The following TCERG1L variants were observed in gnomAD, a reference collection of about 807,000 sequenced individuals.
TCERG1L encodes transcription elongation regulator 1-like protein.
TCERG1L carries 37 observed loss-of-function variants against 56.3 expected under a neutral mutation model. That is an observed-to-expected ratio of 0.66 (90% CI 0.51 to 0.87). The LOEUF (loss-of-function observed/expected upper bound fraction) is 0.87, where lower values mean the gene tolerates loss of function less well. Among genes scored for constraint, TCERG1L ranks in the 40% least tolerant of loss-of-function variants. The probability of loss-of-function intolerance (pLI) is 0.00; values close to 1 mark genes in which losing one functional copy is unlikely to be tolerated. For synonymous variants in TCERG1L, 324 were observed against 326.3 expected (o/e 0.99, Z 0.08); for missense variants, 799 against 774.2 (o/e 1.03, Z -0.38).
At position 131,093,099 on chromosome 10, in the gene TCERG1L, T is replaced by C. The variant is rs949269530; in HGVS notation, c.*63A>G. The C allele has an allele frequency of 7.6e-6, 12 of 1,570,556 alleles. No homozygotes were observed. Among genetic ancestry groups the C allele is most frequent in the Non-Finnish European group, 1.0e-5 (12 of 1,157,940 alleles). Reference sequence around the variant, plus strand: ...CCCACGCCCGTGTCCGTCTCCACCGTGACCCCCTCGCCCCCGGCACGCCCA... The same window carrying C: ...CCCACGCCCGTGTCCGTCTCCACCGCGACCCCCTCGCCCCCGGCACGCCCA... On this transcript the variant is annotated 3_prime_UTR_variant, in exon 12 of 12. Transcript: ENST00000368642.
chr10:131,267,469 T>G lies in TCERG1L; in HGVS notation c.671-7025A>C, dbSNP rs896833749. ...CCTCGGCAGCTCCCACACTGCCAAC[T>G]TGAGGGGGGTCATGGCTCCTGCCTG... On this transcript the variant is annotated intron_variant, in intron 3 of 11. Transcript: ENST00000368642. The surrounding 1 kb of genome is among the most constrained non-coding windows in gnomAD (Gnocchi z 4.9). 6.6e-6 allele frequency among the ~76,000 whole-genome samples: 1 copy of G among 152,192 alleles called. No individual in the cohort carries two copies. Among genetic ancestry groups the G allele is most frequent in the Non-Finnish European group, 1.5e-5 (1 of 68,040 alleles).
chr10:131,140,288 C>G (rs953082789), intron 7 of TCERG1L, among the ~76,000 whole-genome samples: 1 of 152,206 alleles, frequency 6.6e-6, no homozygotes, highest in Non-Finnish European at 1.5e-5. Context: ...ACCCCCACCC[C>G]TGCTCCTGGC....
chr10:131,109,447 G>T (rs1042926104), intron 9 of TCERG1L, among the ~76,000 whole-genome samples: 2 of 151,980 alleles, frequency 1.3e-5, no homozygotes, highest in African/African-American at 4.8e-5. Context: ...TGTGACTGTG[G>T]CTGTGTCTGT....
chr10:131,230,760 C>G (rs941624547), intron 4 of TCERG1L, among the ~76,000 whole-genome samples: 6 of 152,140 alleles, frequency 3.9e-5, no homozygotes, highest in African/African-American at 1.4e-4. Flanking sequence ...AGCCAGACAG[C>G]CTGGGAGAGT....
At chr10:131,123,517 G>A (rs938765079) in intron 8 of TCERG1L, among the ~76,000 whole-genome samples, 9 of 152,182 alleles carry the variant, frequency 5.9e-5, no homozygotes, top group African/African-American at 7.2e-5. Flanking sequence ...GCAGTGAGGG[G>A]AGGGTGTGGG....
intron 4 of TCERG1L, among the ~76,000 whole-genome samples, chr10:131,179,849 C>T (rs934873851): frequency 5.9e-5 from 9 of 152,150 alleles, no homozygotes; most frequent in African/African-American, 1.4e-4. Flanking sequence ...CCTGATTCCC[C>T]GCACCCACTT....
At chr10:131,278,018 A>C (rs535271405) in intron 3 of TCERG1L, among the ~76,000 whole-genome samples, 121 of 152,232 alleles carry the variant, frequency 7.9e-4, no homozygotes, top group African/African-American at 2.7e-3. Flanking sequence ...GAGGGAGGAA[A>C]GTCTGAGGAA....
At chr10:131,213,934 C>T (rs1247012785) in intron 4 of TCERG1L, among the ~76,000 whole-genome samples, 1 of 152,208 alleles carries the variant, frequency 6.6e-6, no homozygotes, top group Non-Finnish European at 1.5e-5. Context: ...ATCAGACCAT[C>T]CCACAGTCCC....
At chr10:131,282,962 T>C (rs1400303231) in intron 3 of TCERG1L, among the ~76,000 whole-genome samples, 2 of 152,240 alleles carry the variant, frequency 1.3e-5, no homozygotes. Context: ...AAAGTTCAGG[T>C]GATATCTGTA....
intron 1 of TCERG1L, among the ~76,000 whole-genome samples, chr10:131,310,151 T>C (rs972702858): frequency 6.6e-6 from 1 of 152,222 alleles, no homozygotes; most frequent in Non-Finnish European, 1.5e-5. Context: ...TAAGGTTTTT[T>C]AAATTTTCTT....
intron 9 of TCERG1L, among the ~76,000 whole-genome samples, chr10:131,115,974 G>C (rs1382023413): frequency 6.6e-6 from 1 of 152,180 alleles, no homozygotes; most frequent in African/African-American, 2.4e-5. Flanking sequence ...TGAGGGGTGG[G>C]TGCTGGCTGC....
Position 131,311,616 on chromosome 10 carries a change from A to G in TCERG1L, c.20T>C (p.Phe7Ser). Residue 7 changes from phenylalanine (F) to serine (S), a missense_variant, in exon 1 of 12, where the codon TTC (phenylalanine) becomes TCC (serine). Phe to Ser is a radical substitution (Grantham distance 155). Transcript: ENST00000368642. The surrounding 1 kb of genome is among the most constrained non-coding windows in gnomAD (Gnocchi z 4.0). Reference sequence around the variant, plus strand: ...CTGCAGCTGCCGCCGCCGCCGCTGGAACCTGGCGCCCGCCTGCATCCTACA... The same window carrying G: ...CTGCAGCTGCCGCCGCCGCCGCTGGGACCTGGCGCCCGCCTGCATCCTACA... MQAGAR[F>S]QRRRRQLQQQ... The G allele has an allele frequency of 1.8e-6, 2 of 1,138,832 alleles. No individual in the cohort carries two copies. Among genetic ancestry groups the G allele is most frequent in the Non-Finnish European group, 2.2e-6 (2 of 929,768 alleles). 70.5% of individuals were successfully genotyped at this position (1,138,832 alleles called of 1,614,324 possible).
At chr10:131,156,882 G>C (rs1026190038) in intron 6 of TCERG1L, among the ~76,000 whole-genome samples, 1 of 152,144 alleles carries the variant, frequency 6.6e-6, no homozygotes, top group African/African-American at 2.4e-5. Context: ...GCGTCTTGCC[G>C]ATGCCCCTGG....
intron 8 of TCERG1L, among the ~76,000 whole-genome samples, chr10:131,132,159 C>T (rs952483245): frequency 6.6e-6 from 1 of 152,148 alleles, no homozygotes; most frequent in African/African-American, 2.4e-5. Flanking sequence ...TGTAAACCGG[C>T]TCATGAATGA....
At chr10:131,149,253 G>A (rs1052894583) in intron 6 of TCERG1L, among the ~76,000 whole-genome samples, 2 of 152,230 alleles carry the variant, frequency 1.3e-5, no homozygotes, top group Non-Finnish European at 2.9e-5. Flanking sequence ...GGGCCCGTGG[G>A]GTGCTGCCCA....
intron 8 of TCERG1L, among the ~76,000 whole-genome samples, chr10:131,132,929 C>T (rs575051009): frequency 2.9e-4 from 44 of 152,350 alleles, no homozygotes; most frequent in African/African-American, 9.9e-4. Flanking sequence ...CAGGCTTCCA[C>T]GTGCTGTGGG....
At position 131,208,786 on chromosome 10, in the gene TCERG1L, A is replaced by G. The variant is rs187931173; in HGVS notation, c.857-41901T>C. Among the ~76,000 whole-genome samples, 667 of 152,316 alleles carry G rather than the reference A, an allele frequency of 4.4e-3. 4 individuals are homozygous for G. Among genetic ancestry groups the G allele is most frequent in the Middle Eastern group, 0.031 (9 of 294 alleles). ...ACACAGTCAAAACTTGGCCGGGCGC[A>G]GTGGCTCACGCCTGTAATCCCAGCA... On this transcript the variant is annotated intron_variant, in intron 4 of 11. Coordinates refer to ENST00000368642, the MANE Select transcript of TCERG1L (RefSeq NM_174937.4).
intron 9 of TCERG1L, among the ~76,000 whole-genome samples, chr10:131,108,251 T>C (rs1273981682): frequency 2.0e-5 from 3 of 152,186 alleles, no homozygotes; most frequent in Non-Finnish European, 4.4e-5. Flanking sequence ...TAAGACATCC[T>C]TCAAGCTTTA....
chr10:131,260,909 C>T lies in TCERG1L; in HGVS notation c.671-465G>A, dbSNP rs1846231707. 6.6e-6 allele frequency among the ~76,000 whole-genome samples: 1 copy of T among 152,116 alleles called. No homozygotes were observed. Among genetic ancestry groups the T allele is most frequent in the African/African-American group, 2.4e-5 (1 of 41,424 alleles). ...GTGGGCCAGGGTGGAGAGAGGTTTC[C>T]AGAGGACACCAGGCTCAGCTGGGCC... On this transcript the variant is annotated intron_variant, in intron 3 of 11. Coordinates refer to ENST00000368642, the MANE Select transcript of TCERG1L (RefSeq NM_174937.4). This position sits in a 1 kb window ranked among gnomAD's most constrained non-coding sequence, Gnocchi z 5.8.
Sources: gnomAD v4.1 joint callset for allele counts (sites outside exome capture counted in the v4.1 genomes callset) on GRCh38, gnomAD v4.1.1 for gene constraint, Gnocchi (gnomAD v3.1) non-coding constraint, MANE v1.5 for transcripts, NCBI Gene and HGNC (gene_info 2026-07-23, HGNC 2026-07-21) for gene names.